Variants in CDH12 observed in about 807,000 individuals in gnomAD.
The protein encoded by CDH12 is cadherin 12, also known as cadherin-12.
In CDH12, 41 loss-of-function variants were observed where a neutral mutation model predicts 74.1. The ratio of observed to expected loss-of-function variants is 0.55; its 90% CI spans 0.43 to 0.72. CDH12 has a LOEUF of 0.72. Among genes scored for constraint, CDH12 ranks in the 30% least tolerant of loss-of-function variants. The pLI is 0.00. For synonymous variants in CDH12, 399 were observed against 355.0 expected (o/e 1.12, Z -1.39); for missense variants, 945 against 977.2 (o/e 0.97, Z 0.44).
At position 22,366,797 on chromosome 5, in the gene CDH12, G is replaced by T. The variant is rs183267858; in HGVS notation, c.-333+38460C>A. On this transcript the variant is annotated intron_variant, in intron 3 of 14. Coordinates refer to ENST00000382254, the MANE Select transcript of CDH12 (RefSeq NM_004061.5). ...TATATTCATTTAATAGCAAACTACT[G>T]TTGGAGATTATTTGAGTATAACTGA... Among the ~76,000 whole-genome samples the T allele has an allele frequency of 2.7e-3, 412 of 152,280 alleles. 2 individuals carry two copies. Among genetic ancestry groups the T allele is most frequent in the Non-Finnish European group, 4.6e-3 (312 of 68,016 alleles).
intron 1 of CDH12, among the ~76,000 whole-genome samples, chr5:22,676,578 C>T (rs911182326): frequency 6.6e-6 from 1 of 152,160 alleles, no homozygotes; most frequent in African/African-American, 2.4e-5. Context: ...TTAACATCAA[C>T]ATTTCAACAA....
intron 1 of CDH12, among the ~76,000 whole-genome samples, chr5:22,707,359 T>C (rs1280392969): frequency 6.6e-6 from 1 of 152,192 alleles, no homozygotes; most frequent in Non-Finnish European, 1.5e-5. Flanking sequence ...GTCTTCTATA[T>C]TGAAATGATA....
chr5:22,253,695 C>T (rs545915425), intron 3 of CDH12, among the ~76,000 whole-genome samples: 1 of 151,870 alleles, frequency 6.6e-6, no homozygotes, highest in South Asian at 2.1e-4. Context: ...TCTTCCTCTT[C>T]CCCTTTTCCC....
At chr5:22,649,011 T>C (rs930836692) in intron 1 of CDH12, among the ~76,000 whole-genome samples, 8 of 151,862 alleles carry the variant, frequency 5.3e-5, no homozygotes. Context: ...TTTTAAAATA[T>C]CCAAAGTGAA....
intron 3 of CDH12, among the ~76,000 whole-genome samples, chr5:22,283,554 G>GA (rs931533784): frequency 1.3e-5 from 2 of 151,884 alleles, no homozygotes; most frequent in African/African-American, 4.8e-5. Flanking sequence ...TGTGGAATCT[G>GA]AAAAATCAAA....
chr5:21,844,999 GTAGATAGA>G lies in CDH12; in HGVS notation c.647-2679_647-2672del, dbSNP rs60865016. The stretch of plus-strand genomic sequence containing the variant: ...TTATTACCTGAGACTACTGAGGTAG[GTAGATAGA>G]TAGATAGATAGATAGATAGATAGAT... On this transcript the variant is annotated intron_variant, in intron 7 of 14. Coordinates refer to ENST00000382254, the MANE Select transcript of CDH12 (RefSeq NM_004061.5). Among the ~76,000 whole-genome samples, 1,027 of 149,710 alleles carry G rather than the reference GTAGATAGA, an allele frequency of 6.9e-3. 6 individuals are homozygous for G. The highest frequency in any genetic ancestry group is 0.021 in the African/African-American group (852 of 40,890).
intron 5 of CDH12, among the ~76,000 whole-genome samples, chr5:22,012,400 T>A (rs574921527): frequency 6.6e-6 from 1 of 152,260 alleles, no homozygotes; most frequent in African/African-American, 2.4e-5. Context: ...TAAGTTAATA[T>A]AATTTTAATT....
At chr5:22,583,820 T>C (rs1053427068) in intron 1 of CDH12, among the ~76,000 whole-genome samples, 9 of 152,170 alleles carry the variant, frequency 5.9e-5, no homozygotes, top group African/African-American at 2.2e-4. Flanking sequence ...ATATAGTGTC[T>C]TCATTGTGAA....
intron 6 of CDH12, among the ~76,000 whole-genome samples, chr5:21,965,047 T>C (rs191241431): frequency 6.6e-6 from 1 of 152,198 alleles, no homozygotes; most frequent in African/African-American, 2.4e-5. Flanking sequence ...AACATACTCA[T>C]AGGAGTGAAT....
At chr5:22,663,404 T>C (rs112048210) in intron 1 of CDH12, among the ~76,000 whole-genome samples, 4,470 of 152,274 alleles carry the variant, frequency 0.029, 129 homozygotes, top group African/African-American at 0.083. Flanking sequence ...CCAGGAGTGA[T>C]GGAAAACCGT....
At chr5:22,359,499 C>T (rs1344741424) in intron 3 of CDH12, among the ~76,000 whole-genome samples, 1 of 152,148 alleles carries the variant, frequency 6.6e-6, no homozygotes, top group African/African-American at 2.4e-5. Context: ...CAACACCCCA[C>T]TGTCAACATT....
intron 6 of CDH12, among the ~76,000 whole-genome samples, chr5:21,940,229 A>T: frequency 6.6e-6 from 1 of 152,098 alleles, no homozygotes; most frequent in Non-Finnish European, 1.5e-5. Context: ...TCCATCTCAA[A>T]AAAAAAGAAA....
chr5:22,138,271 G>A (rs1428711091), intron 4 of CDH12, among the ~76,000 whole-genome samples: 1 of 151,864 alleles, frequency 6.6e-6, no homozygotes, highest in African/African-American at 2.4e-5. Flanking sequence ...GGTTCTGAAA[G>A]TTGTTCATCA....
chr5:22,423,597 T>C (rs1002808715), intron 2 of CDH12, among the ~76,000 whole-genome samples: 4 of 151,802 alleles, frequency 2.6e-5, no homozygotes, highest in African/African-American at 4.8e-5. Context: ...AGAGAGACAG[T>C]TACTTGATCA....
At chr5:22,104,192 AAAAT>A (rs1334693369) in intron 4 of CDH12, among the ~76,000 whole-genome samples, 1 of 152,226 alleles carries the variant, frequency 6.6e-6, no homozygotes, top group Non-Finnish European at 1.5e-5. Context: ...TATACCATAC[AAAAT>A]AAATATTTAT....
At chr5:22,551,203 C>T (rs1485836164) in intron 1 of CDH12, among the ~76,000 whole-genome samples, 1 of 152,122 alleles carries the variant, frequency 6.6e-6, no homozygotes. Context: ...TCTCTCTGAG[C>T]ATGCACAGAT....
At chr5:22,792,439 G>A (rs989307227) in intron 1 of CDH12, among the ~76,000 whole-genome samples, 1 of 152,074 alleles carries the variant, frequency 6.6e-6, no homozygotes, top group Non-Finnish European at 1.5e-5. Flanking sequence ...CTTTGACAGT[G>A]GTAAGATAGG....
chr5:22,034,755 T>G lies in CDH12; in HGVS notation c.231+43691A>C, dbSNP rs1234234493. On this transcript the variant is annotated intron_variant, in intron 5 of 14. Coordinates refer to ENST00000382254, the MANE Select transcript of CDH12 (RefSeq NM_004061.5). The stretch of plus-strand genomic sequence containing the variant: ...GTGAAAAAAATTCAATTGCCAATTA[T>G]CGAAATAATGAAGGAAAATGTGTCA... Among the ~76,000 whole-genome samples, 4 of 152,144 alleles carry G rather than the reference T, an allele frequency of 2.6e-5. No homozygotes were observed. The East Asian group carries it at 7.7e-4, about 29-fold the overall frequency.
intron 4 of CDH12, among the ~76,000 whole-genome samples, chr5:22,100,286 G>C (rs1056176323): frequency 6.6e-6 from 1 of 152,064 alleles, no homozygotes; most frequent in African/African-American, 2.4e-5. Flanking sequence ...AGTTTTCCTT[G>C]TAATTTATTG....
Sources: allele counts gnomAD v4.1 joint callset (sites outside exome capture counted in the v4.1 genomes callset), GRCh38; gene constraint gnomAD v4.1.1; transcripts MANE v1.5; gene names NCBI Gene and HGNC (gene_info 2026-07-23, HGNC 2026-07-21).